Variants in ELOVL7 observed in about 807,000 individuals in gnomAD.
ELOVL7 encodes ELOVL fatty acid elongase 7.
In ELOVL7, 27 loss-of-function variants were observed where a neutral mutation model predicts 35.7. That is an observed-to-expected ratio of 0.76 (90% CI 0.56 to 1.04). The LOEUF (loss-of-function observed/expected upper bound fraction) is 1.04, where lower values mean the gene tolerates loss of function less well. Ranked by LOEUF, ELOVL7 falls within the 50% of genes least tolerant of loss-of-function variation. ELOVL7 has a pLI of 0.00. For missense variants in ELOVL7, 327 were observed against 340.8 expected (o/e 0.96, Z 0.32); for synonymous variants, 113 against 114.6 (o/e 0.99, Z 0.09).
chr5:60,827,858 C>G (rs1746259743), intron 1 of ELOVL7, among the ~76,000 whole-genome samples: 1 of 152,126 alleles, frequency 6.6e-6, no homozygotes, highest in African/African-American at 2.4e-5. Context: ...GGTACAGGCC[C>G]CAACCTTGGC....
intron 1 of ELOVL7, among the ~76,000 whole-genome samples, chr5:60,839,378 C>A (rs1481020568): frequency 6.6e-6 from 1 of 152,028 alleles, no homozygotes; most frequent in African/African-American, 2.4e-5. Flanking sequence ...TGATGGTATG[C>A]CAACTTCTAT....
intron 1 of ELOVL7, among the ~76,000 whole-genome samples, chr5:60,805,166 C>A (rs542183787): frequency 6.6e-6 from 1 of 152,272 alleles, no homozygotes; most frequent in Non-Finnish European, 1.5e-5. Context: ...AAAGGAGAGG[C>A]CTGCACTGCA....
At chr5:60,842,584 T>C (rs1254263282) in intron 1 of ELOVL7, among the ~76,000 whole-genome samples, 2 of 150,226 alleles carry the variant, frequency 1.3e-5, no homozygotes, top group Non-Finnish European at 3.0e-5. Context: ...GGACCTGAGA[T>C]TGACAGCCTG....
rs749778784 is a variant in ELOVL7, at chr5:60,754,768, C to T, written c.702G>A (p.Gln234=). Reference sequence around the variant, plus strand: ...TAATGATGCACGCAAAGACTGGAAACTGATACTTGCAATCCTCCATGAAAA... The same window carrying T: ...TAATGATGCACGCAAAGACTGGAAATTGATACTTGCAATCCTCCATGAAAA... The part of the protein sequence containing the change: ...QFFFMEDCKY[Q]FPVFACIIMS... Residue 234 remains glutamine, a synonymous_variant, in exon 9 of 9, where the codon CAG becomes CAA. Coordinates refer to ENST00000508821, the MANE Select transcript of ELOVL7 (RefSeq NM_024930.3). 1 of 1,614,124 alleles carries T rather than the reference C, an allele frequency of 6.2e-7. No individual in the cohort carries two copies. Among genetic ancestry groups the T allele is most frequent in the Admixed American group, 1.7e-5 (1 of 60,022 alleles).
intron 7 of ELOVL7, among the ~76,000 whole-genome samples, chr5:60,762,851 A>G (rs1291239884): frequency 6.6e-6 from 1 of 152,230 alleles, no homozygotes; most frequent in East Asian, 1.9e-4. Context: ...TTTCACAGTC[A>G]TATAGACACA....
intron 3 of ELOVL7, among the ~76,000 whole-genome samples, chr5:60,782,097 G>A (rs906744674): frequency 2.7e-4 from 41 of 152,120 alleles, no homozygotes; most frequent in African/African-American, 9.9e-4. Context: ...CAAAGGACCT[G>A]AACAGACATT....
intron 1 of ELOVL7, among the ~76,000 whole-genome samples, chr5:60,813,022 C>G (rs1745320121): frequency 6.6e-6 from 1 of 152,144 alleles, no homozygotes; most frequent in African/African-American, 2.4e-5. Context: ...TTCATCCATG[C>G]CAGAGTCCAT....
intron 7 of ELOVL7, among the ~76,000 whole-genome samples, chr5:60,759,092 T>C (rs1741722700): frequency 6.6e-6 from 1 of 152,190 alleles, no homozygotes. Context: ...TAGATATTTC[T>C]AGATACTAGC....
In ELOVL7 at chr5:60,753,774, AC is replaced by A; in HGVS notation, c.*849del. 6.6e-6 allele frequency: 1 copy of A among 152,368 alleles called. No homozygotes were observed. The highest frequency in any genetic ancestry group is 2.1e-4 in the South Asian group (1 of 4,824). 9.4% of individuals were successfully genotyped at this position (152,368 alleles called of 1,614,324 possible). On this transcript the variant is annotated 3_prime_UTR_variant, in exon 9 of 9. Coordinates refer to ENST00000508821, the MANE Select transcript of ELOVL7 (RefSeq NM_024930.3). ...AGAAAGTGATGTGATACTATAACAG[AC>A]AACAGGTTTTTCCCACTGAACTACA...
At chr5:60,820,807 C>T (rs1745838436) in intron 1 of ELOVL7, among the ~76,000 whole-genome samples, 1 of 152,076 alleles carries the variant, frequency 6.6e-6, no homozygotes. Flanking sequence ...TCCTAAAAGT[C>T]CCTTCCCCTT....
chr5:60,754,629 T>A lies in ELOVL7; in HGVS notation c.841A>T (p.Asn281Tyr), dbSNP rs1341070373. The change falls in exon 9 of 9, where the codon AAT becomes TAT. Residue 281 changes from asparagine (N) to tyrosine (Y), a missense_variant. Coordinates refer to ENST00000508821, the MANE Select transcript of ELOVL7 (RefSeq NM_024930.3). The stretch of plus-strand genomic sequence containing the variant: ...TCATAGACTTATGTTGGGCTTCAAT[T>A]ATCTTTGTTTTTGCAAGTTCCATTT... ...VKNGTCKNKDN is the reference protein window; with the variant it reads ...VKNGTCKNKDY 1 of 1,613,514 alleles carries A rather than the reference T, an allele frequency of 6.2e-7. No individual in the cohort carries two copies. Among genetic ancestry groups the A allele is most frequent in the East Asian group, 2.2e-5 (1 of 44,884 alleles).
intron 7 of ELOVL7, among the ~76,000 whole-genome samples, chr5:60,758,621 T>C (rs561088404): frequency 1.3e-5 from 2 of 152,264 alleles, no homozygotes; most frequent in East Asian, 1.9e-4. Context: ...TCACCTTCAA[T>C]TGAGAATAGA....
chr5:60,764,829 GA>G (rs1289133958), intron 6 of ELOVL7, among the ~76,000 whole-genome samples: 2 of 151,916 alleles, frequency 1.3e-5, no homozygotes, highest in East Asian at 3.9e-4. Flanking sequence ...AGAAAAAGTT[GA>G]AAAGTTAATT....
At chr5:60,808,162 C>T (rs960184088) in intron 1 of ELOVL7, among the ~76,000 whole-genome samples, 1 of 149,962 alleles carries the variant, frequency 6.7e-6, no homozygotes, top group African/African-American at 2.5e-5. Flanking sequence ...TAGAAGAAAA[C>T]CTGAAGTGTT....
intron 1 of ELOVL7, among the ~76,000 whole-genome samples, chr5:60,819,841 T>C (rs543807373): frequency 1.8e-4 from 28 of 152,122 alleles, no homozygotes; most frequent in African/African-American, 6.3e-4. Flanking sequence ...CCTGACTTGG[T>C]GGATAATTAC....
intron 2 of ELOVL7, among the ~76,000 whole-genome samples, chr5:60,795,737 T>C (rs115179156): frequency 3.7e-4 from 56 of 152,338 alleles, no homozygotes; most frequent in African/African-American, 1.3e-3. Context: ...CCAATCGGGC[T>C]AGAGGCTCGT....
intron 2 of ELOVL7, among the ~76,000 whole-genome samples, chr5:60,793,724 T>A (rs1438529796): frequency 6.6e-6 from 1 of 152,120 alleles, no homozygotes; most frequent in East Asian, 1.9e-4. Flanking sequence ...CTTGTAAGAC[T>A]ACAATAAAGA....
At chr5:60,813,192 A>G (rs918994570) in intron 1 of ELOVL7, among the ~76,000 whole-genome samples, 1 of 151,832 alleles carries the variant, frequency 6.6e-6, no homozygotes, top group South Asian at 2.1e-4. Flanking sequence ...CTTTTCTTTT[A>G]CTCCAAGCCA....
chr5:60,805,470 G>C (rs144912149), intron 1 of ELOVL7, among the ~76,000 whole-genome samples: 1 of 152,192 alleles, frequency 6.6e-6, no homozygotes, highest in African/African-American at 2.4e-5. Flanking sequence ...TTTAGAGTTA[G>C]TTCTGTTGAC....
Sources: allele counts gnomAD v4.1 joint callset (sites outside exome capture counted in the v4.1 genomes callset), GRCh38; gene constraint gnomAD v4.1.1; transcripts MANE v1.5; gene names NCBI Gene and HGNC (gene_info 2026-07-23, HGNC 2026-07-21).